DOCK4: variants seen among roughly 807,000 people sequenced by gnomAD.
DOCK4 encodes the protein dedicator of cytokinesis protein 4.
Under a neutral mutation model 268.1 loss-of-function variants are expected in DOCK4, and 97 were observed. The observed-to-expected ratio is 0.36, with a 90% CI of 0.31 to 0.43. The LOEUF is 0.43. Among genes scored for constraint, DOCK4 ranks in the 20% least tolerant of loss-of-function variants. The pLI, the probability that DOCK4 is intolerant of heterozygous loss-of-function variation, is 1.00. For missense variants in DOCK4, 2,145 were observed against 2,455.7 expected (o/e 0.87, Z 2.67); for synonymous variants, 954 against 887.2 (o/e 1.08, Z -1.34).
intron 27 of DOCK4, among the ~76,000 whole-genome samples, chr7:111,815,379 A>G (rs1275570718): frequency 1.3e-5 from 2 of 152,180 alleles, no homozygotes; most frequent in Non-Finnish European, 2.9e-5. Context: ...AGACATTTAT[A>G]CATTATTGCT....
intron 1 of DOCK4, among the ~76,000 whole-genome samples, chr7:112,063,366 T>G (rs1369997016): frequency 6.6e-6 from 1 of 152,224 alleles, no homozygotes; most frequent in Non-Finnish European, 1.5e-5. Flanking sequence ...AAACCCATTG[T>G]AAACTGAAAA....
intron 1 of DOCK4, among the ~76,000 whole-genome samples, chr7:112,175,897 T>C (rs1321943031): frequency 6.6e-6 from 1 of 152,204 alleles, no homozygotes; most frequent in Non-Finnish European, 1.5e-5. Flanking sequence ...AACTTTCCTC[T>C]ATAGTTTGAA....
rs191382770 is a variant in DOCK4 at position 111,829,561 on chromosome 7, G to A, written c.2835+5027C>T. On this transcript the variant is annotated intron_variant, in intron 26 of 52. Transcript: ENST00000428084. The stretch of plus-strand genomic sequence containing the variant: ...ATTTATTTACAAGAATGATTTAGAT[G>A]ACCTTAACAACAGGCTTTTATTAGT... 1.1e-3 allele frequency among the ~76,000 whole-genome samples: 172 copies of A among 152,240 alleles called. 1 individual carries two copies. Among genetic ancestry groups the A allele is most frequent in the Non-Finnish European group, 1.9e-3 (131 of 68,014 alleles).
At chr7:111,819,571 G>A (rs1487438276) in intron 27 of DOCK4, 2 of 152,136 alleles carry the variant, frequency 1.3e-5, no homozygotes, top group Admixed American at 1.3e-4. Flanking sequence ...CCAGGTGTCT[G>A]GTCACAAACT....
At chr7:111,783,534 G>A (rs549921962) in intron 34 of DOCK4, among the ~76,000 whole-genome samples, 1 of 151,622 alleles carries the variant, frequency 6.6e-6, no homozygotes, top group South Asian at 2.1e-4. Flanking sequence ...GGTTCTACTG[G>A]TTCTAGGGGC....
intron 1 of DOCK4, among the ~76,000 whole-genome samples, chr7:112,080,027 A>G (rs1586780995): frequency 6.6e-6 from 1 of 152,258 alleles, no homozygotes; most frequent in East Asian, 1.9e-4. Flanking sequence ...TTAAATTCCT[A>G]TGGTTCCTTA....
intron 5 of DOCK4, among the ~76,000 whole-genome samples, chr7:111,989,708 T>C (rs2135219079): frequency 6.6e-6 from 1 of 152,386 alleles, no homozygotes; most frequent in Non-Finnish European, 1.5e-5. Flanking sequence ...TATTTAGACT[T>C]TTAAAAAGGT....
chr7:111,980,767 G>A (rs914264398), intron 7 of DOCK4, among the ~76,000 whole-genome samples: 1 of 152,188 alleles, frequency 6.6e-6, no homozygotes, highest in Non-Finnish European at 1.5e-5. Flanking sequence ...GAAATTGCAT[G>A]TGAGAACCAC....
intron 7 of DOCK4, among the ~76,000 whole-genome samples, chr7:111,983,858 G>GCA (rs1300676029): frequency 3.6e-3 from 327 of 89,996 alleles, no homozygotes; most frequent in Admixed American, 0.029. Flanking sequence ...GCGCGCGCGC[G>GCA]CGCGCACACA....
chr7:112,080,950 A>C (rs1808525370), intron 1 of DOCK4, among the ~76,000 whole-genome samples: 1 of 152,164 alleles, frequency 6.6e-6, no homozygotes, highest in Non-Finnish European at 1.5e-5. Context: ...AAATAGACTT[A>C]AATAATTGTT....
At chr7:112,001,055 G>C (rs1347795122) in intron 2 of DOCK4, among the ~76,000 whole-genome samples, 6 of 152,130 alleles carry the variant, frequency 3.9e-5, no homozygotes, top group Non-Finnish European at 8.8e-5. Flanking sequence ...TTAAGCCTAC[G>C]GTCTTGGGTT....
At chr7:112,093,003 T>A (rs1212181621) in intron 1 of DOCK4, among the ~76,000 whole-genome samples, 1 of 152,134 alleles carries the variant, frequency 6.6e-6, no homozygotes, top group Non-Finnish European at 1.5e-5. Context: ...ATCAATAGAT[T>A]TATCCTTTTT....
chr7:111,814,939 G>C (rs1586068500), intron 27 of DOCK4, among the ~76,000 whole-genome samples: 1 of 152,242 alleles, frequency 6.6e-6, no homozygotes, highest in East Asian at 1.9e-4. Context: ...TCCACAGAAA[G>C]TGACACGATG....
intron 8 of DOCK4, among the ~76,000 whole-genome samples, chr7:111,956,164 A>T (rs1170458323): frequency 6.6e-6 from 1 of 152,182 alleles, no homozygotes; most frequent in East Asian, 1.9e-4. Context: ...GTGAGAAAAG[A>T]ATCACTCTGA....
chr7:111,779,604 G>T (rs1798668820), intron 35 of DOCK4, among the ~76,000 whole-genome samples: 1 of 152,072 alleles, frequency 6.6e-6, no homozygotes, highest in African/African-American at 2.4e-5. Flanking sequence ...TGATGCCCAG[G>T]CTAGTCTCGA....
At chr7:111,895,389 A>T (rs569638051) in intron 16 of DOCK4, among the ~76,000 whole-genome samples, 1 of 152,376 alleles carries the variant, frequency 6.6e-6, no homozygotes, top group East Asian at 1.9e-4. Context: ...TTACCCAAAC[A>T]TCCACCCCTA....
intron 49 of DOCK4, among the ~76,000 whole-genome samples, 194 bp downstream of exon 49, chr7:111,738,940 A>G (rs77597478): frequency 2.1e-5 from 3 of 139,814 alleles, no homozygotes; most frequent in South Asian, 2.2e-4. Flanking sequence ...TGTCTCAAAG[A>G]AAAAAAAAAA....
chr7:112,192,233 G>T (rs1820020771), intron 1 of DOCK4, among the ~76,000 whole-genome samples: 1 of 150,768 alleles, frequency 6.6e-6, no homozygotes, highest in Admixed American at 6.6e-5. Flanking sequence ...CATTTTCCAA[G>T]ATACTTAACA....
intron 1 of DOCK4, among the ~76,000 whole-genome samples, chr7:112,156,367 G>A (rs1816613804): frequency 6.6e-6 from 1 of 152,124 alleles, no homozygotes; most frequent in Non-Finnish European, 1.5e-5. Context: ...GCATTTCTTA[G>A]AAGTAATGAA....
Sources: allele counts gnomAD v4.1 joint callset (sites outside exome capture counted in the v4.1 genomes callset), GRCh38; gene constraint gnomAD v4.1.1; transcripts MANE v1.5; gene names NCBI Gene and HGNC (gene_info 2026-07-23, HGNC 2026-07-21).